WARS2: variants seen among roughly 807,000 people sequenced by gnomAD.
WARS2 encodes the protein tryptophanyl tRNA synthetase 2, mitochondrial, also known as tryptophan--tRNA ligase, mitochondrial.
WARS2 carries 28 observed loss-of-function variants against 36.5 expected under a neutral mutation model. The ratio of observed to expected loss-of-function variants is 0.77; its 90% CI spans 0.57 to 1.05. The LOEUF is 1.05. Ranked by LOEUF, WARS2 falls within the 50% of genes least tolerant of loss-of-function variation. The pLI, the probability that WARS2 is intolerant of heterozygous loss-of-function variation, is 0.00. For missense variants in WARS2, 435 were observed against 456.8 expected, an observed-to-expected ratio of 0.95 and a Z score of 0.44; for synonymous variants, 174 against 178.4, an observed-to-expected ratio of 0.98 and a Z score of 0.20.
At chr1:119,084,702 T>C (rs28620747) in intron 1 of WARS2, among the ~76,000 whole-genome samples, 1 of 152,202 alleles carries the variant, frequency 6.6e-6, no homozygotes, top group Non-Finnish European at 1.5e-5. Context: ...TGGAATTATC[T>C]GGTATTTTCC....
intron 1 of WARS2, among the ~76,000 whole-genome samples, chr1:119,121,708 G>A (rs1377419724): frequency 1.3e-5 from 2 of 152,082 alleles, no homozygotes; most frequent in South Asian, 2.1e-4. Flanking sequence ...TAGTACAATG[G>A]AAAGGAATAG....
At chr1:119,097,772 G>A (rs1398117566) in intron 1 of WARS2, among the ~76,000 whole-genome samples, 1 of 152,130 alleles carries the variant, frequency 6.6e-6, no homozygotes. Context: ...TTCAATATAT[G>A]CATGTCAATG....
chr1:119,115,665 A>G lies in WARS2; in HGVS notation c.90+24890T>C, dbSNP rs587625763. Among the ~76,000 whole-genome samples, 12 of 152,300 alleles carry G rather than the reference A, an allele frequency of 7.9e-5. 1 individual carries two copies. In the South Asian group the frequency reaches 2.5e-3, roughly 32 times the overall value. On this transcript the variant is annotated intron_variant, in intron 1 of 5. Coordinates refer to ENST00000235521, the MANE Select transcript of WARS2 (RefSeq NM_015836.4). Reference sequence around the variant, plus strand: ...TACAAAAAGGCCTTTGAACAAAGAGACAAATAATTAGTTTTCTCTCTCTTT... The same window carrying G: ...TACAAAAAGGCCTTTGAACAAAGAGGCAAATAATTAGTTTTCTCTCTCTTT...
intron 1 of WARS2, among the ~76,000 whole-genome samples, chr1:119,093,731 C>A (rs960444462): frequency 6.6e-6 from 1 of 152,126 alleles, no homozygotes; most frequent in Admixed American, 6.5e-5. Flanking sequence ...CATTTCTGTT[C>A]TTTTAGGCCA....
chr1:119,090,237 G>A (rs189608516), intron 1 of WARS2, among the ~76,000 whole-genome samples: 2 of 152,234 alleles, frequency 1.3e-5, no homozygotes, highest in African/African-American at 4.8e-5. Flanking sequence ...AGATACGAAG[G>A]TAGGTCCTGT....
intron 1 of WARS2, among the ~76,000 whole-genome samples, chr1:119,125,908 T>TG (rs1655622013): frequency 6.6e-6 from 1 of 152,212 alleles, no homozygotes; most frequent in Non-Finnish European, 1.5e-5. Context: ...TGTTATACCC[T>TG]GGGCCTTGCC....
At chr1:119,068,825 ACT>A (rs10647679) in intron 2 of WARS2, among the ~76,000 whole-genome samples, 3 of 149,364 alleles carry the variant, frequency 2.0e-5, no homozygotes, top group Non-Finnish European at 3.0e-5. Flanking sequence ...TCTCTCTCTT[ACT>A]CTCTCTCTCT....
chr1:119,087,300 T>C (rs992061049), intron 1 of WARS2, among the ~76,000 whole-genome samples: 4 of 152,220 alleles, frequency 2.6e-5, no homozygotes, highest in African/African-American at 9.6e-5. Flanking sequence ...TTATAAATGT[T>C]AACTGAATCA....
At chr1:119,122,264 T>C (rs986555676) in intron 1 of WARS2, among the ~76,000 whole-genome samples, 2 of 152,124 alleles carry the variant, frequency 1.3e-5, no homozygotes, top group African/African-American at 4.8e-5. Flanking sequence ...AAAGAAGATA[T>C]ACAAACGGCC....
intron 2 of WARS2, among the ~76,000 whole-genome samples, chr1:119,066,251 G>A (rs890558849): frequency 2.0e-5 from 3 of 152,138 alleles, no homozygotes; most frequent in African/African-American, 7.2e-5. Context: ...GCTAAGGTGG[G>A]CGGATCACAA....
intron 2 of WARS2, among the ~76,000 whole-genome samples, chr1:119,064,972 C>T (rs996500474): frequency 3.9e-5 from 6 of 151,974 alleles, no homozygotes; most frequent in Admixed American, 6.6e-5. Context: ...TGTAAAAATT[C>T]GCCATTTGCT....
intron 1 of WARS2, 137 bp downstream of exon 1, chr1:119,140,418 T>C (rs1409328938): frequency 1.7e-5 from 12 of 703,740 alleles, no homozygotes; most frequent in African/African-American, 9.1e-5. Context: ...CCGACAGTCA[T>C]AGACGAGTAG....
intron 4 of WARS2, among the ~76,000 whole-genome samples, chr1:119,040,578 T>C (rs373136378): frequency 6.6e-6 from 1 of 152,188 alleles, no homozygotes; most frequent in East Asian, 1.9e-4. Context: ...TTCCAAGTAG[T>C]TGGAACTTCA....
At position 119,076,614 on chromosome 1, in the gene WARS2, C is replaced by A; in HGVS notation, c.91-7G>T. 6.2e-7 allele frequency: 1 copy of A among 1,613,704 alleles called. No homozygotes were observed. The highest frequency in any genetic ancestry group is 8.5e-7 in the Non-Finnish European group (1 of 1,179,816). ...CTCGCTTCTTGCTGTCTTTCTGGAACAAAGGAAAACAAGCATATTTGCTTT... is the reference window on the plus strand; with the variant it reads ...CTCGCTTCTTGCTGTCTTTCTGGAAAAAAGGAAAACAAGCATATTTGCTTT... On this transcript the variant is annotated splice_polypyrimidine_tract_variant and splice_region_variant and intron_variant, in intron 1 of 5. Transcript: ENST00000235521.
intron 1 of WARS2, among the ~76,000 whole-genome samples, chr1:119,098,568 G>A (rs1001238538): frequency 1.3e-5 from 2 of 151,584 alleles, no homozygotes; most frequent in African/African-American, 2.4e-5. Flanking sequence ...CTCCCGAGTC[G>A]CTAGCATTAC....
chr1:119,091,364 T>C (rs1571345202), intron 1 of WARS2, among the ~76,000 whole-genome samples: 1 of 152,276 alleles, frequency 6.6e-6, no homozygotes, highest in East Asian at 1.9e-4. Context: ...ATGAAGGAAC[T>C]GAGGCACAGA....
At chr1:119,115,630 G>A (rs1049056672) in intron 1 of WARS2, among the ~76,000 whole-genome samples, 4 of 152,020 alleles carry the variant, frequency 2.6e-5, no homozygotes, top group African/African-American at 9.7e-5. Context: ...AGCTTTTCAG[G>A]GATATACAAT....
intron 1 of WARS2, among the ~76,000 whole-genome samples, chr1:119,100,890 G>A (rs1221885820): frequency 6.6e-6 from 1 of 152,170 alleles, no homozygotes; most frequent in African/African-American, 2.4e-5. Context: ...CTCCCACCTT[G>A]GCCTTCTAAA....
intron 1 of WARS2, among the ~76,000 whole-genome samples, chr1:119,124,869 C>T (rs982415732): frequency 3.3e-5 from 5 of 152,170 alleles, no homozygotes; most frequent in South Asian, 2.1e-4. Flanking sequence ...CATGTGACTT[C>T]GTATACTATT....
Sources: allele counts gnomAD v4.1 joint callset (sites outside exome capture counted in the v4.1 genomes callset), GRCh38; gene constraint gnomAD v4.1.1; transcripts MANE v1.5; gene names NCBI Gene and HGNC (gene_info 2026-07-23, HGNC 2026-07-21).